The following SMC5 variants were observed in gnomAD, a reference collection of about 807,000 sequenced individuals.
SMC5 encodes structural maintenance of chromosomes 5, also known as structural maintenance of chromosomes protein 5.
SMC5 carries 88 observed loss-of-function variants against 148.3 expected under a neutral mutation model. That is an observed-to-expected ratio of 0.59 (90% CI 0.50 to 0.71). The LOEUF (loss-of-function observed/expected upper bound fraction) is 0.71, where lower values mean the gene tolerates loss of function less well. Ranked by LOEUF, SMC5 falls within the 30% of genes least tolerant of loss-of-function variation. The pLI is 0.00. For synonymous variants in SMC5, 421 were observed against 432.8 expected (o/e 0.97, Z 0.34); for missense variants, 1,142 against 1,298.9 (o/e 0.88, Z 1.86).
chr9:70,322,929 A>G (rs377297208), intron 15 of SMC5, among the ~76,000 whole-genome samples: 27 of 152,302 alleles, frequency 1.8e-4, no homozygotes, highest in African/African-American at 6.3e-4. Context: ...TGATTCTTCA[A>G]AATGTTATTT....
rs1311336208 is a variant in SMC5 at position 70,293,141 on chromosome 9, G to T, written c.1054-4825G>T. Among the ~76,000 whole-genome samples, 7 of 152,048 alleles carry T rather than the reference G, an allele frequency of 4.6e-5. No individual in the cohort carries two copies. In the South Asian group the frequency reaches 1.5e-3, roughly 32 times the overall value. On this transcript the variant is annotated intron_variant, in intron 8 of 24. Transcript: ENST00000361138. ...GGTTGTAGAGATTTCTTCTTGGAGG[G>T]AGTTTTAAAATTATGTTTTCAACTT...
intron 17 of SMC5, among the ~76,000 whole-genome samples, chr9:70,340,429 A>C (rs981503785): frequency 4.6e-5 from 7 of 152,124 alleles, no homozygotes; most frequent in African/African-American, 1.4e-4. Flanking sequence ...TTATTATTCT[A>C]AATTTCTAGC....
intron 8 of SMC5, among the ~76,000 whole-genome samples, chr9:70,296,378 A>G (rs2035201074): frequency 1.3e-5 from 2 of 152,118 alleles, no homozygotes; most frequent in African/African-American, 4.8e-5. Context: ...CCTGGCCAAC[A>G]TGGTGAAAAC....
At chr9:70,296,348 G>A (rs945381095) in intron 8 of SMC5, among the ~76,000 whole-genome samples, 1 of 152,082 alleles carries the variant, frequency 6.6e-6, no homozygotes, top group Admixed American at 6.6e-5. Flanking sequence ...GATCACTTGA[G>A]GCCAGGAATT....
At position 70,318,399 on chromosome 9, in the gene SMC5, T is replaced by A. The variant is rs971748467; in HGVS notation, c.1807-115T>A. The A allele has an allele frequency of 9.4e-6, 8 of 855,066 alleles. No individual in the cohort carries two copies. In the African/African-American group the frequency reaches 1.4e-4, roughly 15 times the overall value. The allele number at this position is 855,066 out of a possible 1,614,324, so 53.0% of individuals were successfully genotyped here. A position where few individuals can be genotyped will look rare whatever the true frequency, so the allele number is the denominator to read the frequency against. The stretch of plus-strand genomic sequence containing the variant: ...TGAGACCCTGTCTAAAAAAAAAAAA[T>A]GTATATCTCGTATATTTTGATCTTC... On this transcript the variant is annotated intron_variant, in intron 13 of 24. Coordinates refer to ENST00000361138, the MANE Select transcript of SMC5 (RefSeq NM_015110.4).
intron 10 of SMC5, 131 bp downstream of exon 10, chr9:70,300,331 G>GA (rs765532883): frequency 1.6e-4 from 116 of 733,136 alleles, no homozygotes; most frequent in Non-Finnish European, 2.0e-4. Flanking sequence ...GCATACTGCT[G>GA]AATCTATACA....
At chr9:70,283,376 A>G (rs2034807058) in intron 7 of SMC5, among the ~76,000 whole-genome samples, 1 of 152,196 alleles carries the variant, frequency 6.6e-6, no homozygotes, top group Admixed American at 6.5e-5. Flanking sequence ...CTGAGGCAGG[A>G]GGATCACTTG....
At chr9:70,343,704 T>C (rs1564071972) in intron 17 of SMC5, among the ~76,000 whole-genome samples, 1 of 152,026 alleles carries the variant, frequency 6.6e-6, no homozygotes, top group Non-Finnish European at 1.5e-5. Flanking sequence ...TAATCTCAGC[T>C]ACTCGGGAGG....
intron 5 of SMC5, among the ~76,000 whole-genome samples, 160 bp from the exon 6 acceptor site, chr9:70,280,597 CAG>C (rs1491298262): frequency 2.0e-5 from 3 of 152,188 alleles, no homozygotes; most frequent in Non-Finnish European, 4.4e-5. Context: ...TTTGTTGAGA[CAG>C]GGTCTCACTG....
chr9:70,344,315 T>A (rs1172962084), intron 18 of SMC5, 46 bp downstream of exon 18: 1 of 1,343,806 alleles, frequency 7.4e-7, no homozygotes, highest in African/African-American at 1.5e-5. Flanking sequence ...TATTTAACAT[T>A]TTTAAGATTA....
chr9:70,286,311 G>GAGCAAA, intron 8 of SMC5, 40 bp downstream of exon 8: 1 of 1,326,642 alleles, frequency 7.5e-7, no homozygotes, highest in Non-Finnish European at 1.1e-6. Flanking sequence ...ATTAAAGTTT[G>GAGCAAA]CTCTAACTTT....
At chr9:70,259,793 G>GA (rs1458997235) in intron 1 of SMC5, among the ~76,000 whole-genome samples, 1 of 152,102 alleles carries the variant, frequency 6.6e-6, no homozygotes, top group East Asian at 1.9e-4. Flanking sequence ...ACAAACCCTT[G>GA]ACCCCACTAA....
chr9:70,305,707 C>T (rs559046183), intron 11 of SMC5, among the ~76,000 whole-genome samples: 4 of 152,202 alleles, frequency 2.6e-5, no homozygotes, highest in African/African-American at 9.6e-5. Flanking sequence ...GGAATGAACT[C>T]AGTTTTACTT....
At chr9:70,350,332 C>G (rs1214285631) in intron 23 of SMC5, 39 bp downstream of exon 23, 12 of 1,608,576 alleles carry the variant, frequency 7.5e-6, no homozygotes, top group Non-Finnish European at 1.0e-5. Flanking sequence ...TTCTTATATC[C>G]TGTAACAGGA....
At chr9:70,330,801 C>T (rs1299604972) in intron 17 of SMC5, among the ~76,000 whole-genome samples, 1 of 152,042 alleles carries the variant, frequency 6.6e-6, no homozygotes, top group Non-Finnish European at 1.5e-5. Context: ...ACCTCAGCCT[C>T]CCAAAGGCTA....
chr9:70,322,149 G>A (rs1177516496), intron 15 of SMC5, among the ~76,000 whole-genome samples: 1 of 151,892 alleles, frequency 6.6e-6, no homozygotes, highest in African/African-American at 2.4e-5. Flanking sequence ...TTTAAAATTG[G>A]TAATGTGCCT....
At chr9:70,267,358 C>G (rs1203103775) in intron 2 of SMC5, among the ~76,000 whole-genome samples, 1 of 152,120 alleles carries the variant, frequency 6.6e-6, no homozygotes, top group Non-Finnish European at 1.5e-5. Context: ...TAGAAACTAG[C>G]ACAGATATGT....
chr9:70,327,250 C>A (rs1587697671), intron 17 of SMC5, among the ~76,000 whole-genome samples: 1 of 152,134 alleles, frequency 6.6e-6, no homozygotes, highest in Non-Finnish European at 1.5e-5. Context: ...CTTTTCATAA[C>A]AAAAGTCAAA....
intron 15 of SMC5, 99 bp downstream of exon 15, chr9:70,319,062 T>C (rs2035883685): frequency 3.7e-6 from 4 of 1,069,108 alleles, no homozygotes; most frequent in Admixed American, 6.7e-5. Context: ...AAGCACGCTT[T>C]GTAGTAATTT....
Sources: gnomAD v4.1 joint callset for allele counts (sites outside exome capture counted in the v4.1 genomes callset) on GRCh38, gnomAD v4.1.1 for gene constraint, MANE v1.5 for transcripts, NCBI Gene and HGNC (gene_info 2026-07-23, HGNC 2026-07-21) for gene names.